Variants in ENPP2 observed in about 807,000 individuals in gnomAD.
The protein encoded by ENPP2 is ectonucleotide pyrophosphatase/phosphodiesterase 2, also known as autotaxin.
ENPP2 carries 51 observed loss-of-function variants against 120.2 expected under a neutral mutation model. That is an observed-to-expected ratio of 0.42 (90% confidence interval 0.34 to 0.54). The LOEUF (loss-of-function observed/expected upper bound fraction) is 0.54. Among genes scored for constraint, ENPP2 ranks in the 20% least tolerant of loss-of-function variants. The pLI is 0.04. For missense variants in ENPP2, 920 were observed against 1,066.5 expected (o/e 0.86, Z 1.91); for synonymous variants, 365 against 366.4 (o/e 1.00, Z 0.04).
In ENPP2 at chr8:119,595,855, G is replaced by T. The variant is rs749602450; in HGVS notation, c.973-1995C>A. ...ACAATAGATAAACTTACTTTGTCCT[G>T]ACGAGTTTCCGCAGCATAATGATCC... On this transcript the variant is annotated intron_variant, in intron 11 of 24. Transcript: ENST00000075322. The T allele has an allele frequency of 6.2e-7, 1 of 1,613,928 alleles. No individual in the cohort carries two copies. The highest frequency in any genetic ancestry group is 1.1e-5 in the South Asian group (1 of 91,050).
At chr8:119,561,021 T>C (rs190651222) in intron 24 of ENPP2, among the ~76,000 whole-genome samples, 1 of 152,356 alleles carries the variant, frequency 6.6e-6, no homozygotes, top group African/African-American at 2.4e-5. Flanking sequence ...CCTGCTATGA[T>C]ATCTACTATA....
intron 2 of ENPP2, among the ~76,000 whole-genome samples, chr8:119,628,753 C>T (rs2130788527): frequency 6.6e-6 from 1 of 152,180 alleles, no homozygotes; most frequent in African/African-American, 2.4e-5. Flanking sequence ...GAAATAAAAA[C>T]AGAGCCAAAA....
intron 15 of ENPP2, among the ~76,000 whole-genome samples, chr8:119,585,024 G>T (rs527589465): frequency 4.0e-4 from 61 of 152,192 alleles, no homozygotes; most frequent in African/African-American, 1.3e-3. Flanking sequence ...ACACTAATTT[G>T]CCCAACTGTC....
chr8:119,592,270 C>T (rs189487814), intron 12 of ENPP2, among the ~76,000 whole-genome samples: 88 of 152,128 alleles, frequency 5.8e-4, no homozygotes, highest in African/African-American at 1.8e-3. Flanking sequence ...GCCAGGACTT[C>T]GAGACCGGCC....
chr8:119,645,756 G>A (rs1413243738), intron 1 of ENPP2, among the ~76,000 whole-genome samples: 1 of 150,260 alleles, frequency 6.7e-6, no homozygotes, highest in Non-Finnish European at 1.5e-5. Context: ...TGGAGGTTGA[G>A]CTGAGCTGAG....
intron 20 of ENPP2, 23 bp downstream of exon 20, chr8:119,570,682 T>A (rs1814889712): frequency 2.1e-6 from 3 of 1,396,688 alleles, no homozygotes; most frequent in East Asian, 2.6e-5. Flanking sequence ...ATAAAAAATA[T>A]AAAATCCAAT....
chr8:119,580,251 C>A, intron 18 of ENPP2, 84 bp from the exon 19 acceptor site: 3 of 1,048,242 alleles, frequency 2.9e-6, no homozygotes, highest in Middle Eastern at 2.0e-4. Context: ...CGACTTAGCA[C>A]CCTGCTAAAT....
chr8:119,597,559 A>G (rs915872339), intron 11 of ENPP2, among the ~76,000 whole-genome samples: 16 of 152,202 alleles, frequency 1.1e-4, no homozygotes, highest in South Asian at 6.2e-4. Flanking sequence ...GAGGTTATTA[A>G]GAGGATGGGA....
chr8:119,655,218 C>G (rs774207823), intron 1 of ENPP2, among the ~76,000 whole-genome samples: 1 of 152,170 alleles, frequency 6.6e-6, no homozygotes, highest in Non-Finnish European at 1.5e-5. Flanking sequence ...GACAGACATA[C>G]GATAAGCTGA....
chr8:119,584,017 C>T lies in ENPP2; in HGVS notation c.1400G>A (p.Gly467Glu), dbSNP rs567059238. Reference protein sequence around the residue: ...KPLDVYKKPSGKCFFQGDHGF... With the variant: ...KPLDVYKKPSEKCFFQGDHGF... ...GTGGTCTCCCTGGAAAAAGCATTTT[C>T]CTGATGGTTTCTTATAAACATCCAA... Residue 467 changes from glycine to glutamate, a missense_variant, in exon 16 of 25, where the codon GGA becomes GAA. Coordinates refer to ENST00000075322, the MANE Select transcript of ENPP2 (RefSeq NM_001040092.3). 6.2e-7 allele frequency: 1 copy of T among 1,613,362 alleles called. No individual in the cohort carries two copies. Among genetic ancestry groups the T allele is most frequent in the South Asian group, 1.1e-5 (1 of 91,060 alleles).
chr8:119,670,603 C>T (rs548269689), intron 1 of ENPP2, among the ~76,000 whole-genome samples: 1 of 152,254 alleles, frequency 6.6e-6, no homozygotes, highest in South Asian at 2.1e-4. Flanking sequence ...ATAAAGGAAG[C>T]TCTGGGGGAA....
intron 23 of ENPP2, among the ~76,000 whole-genome samples, chr8:119,563,723 T>C (rs1814159475): frequency 6.6e-6 from 1 of 152,100 alleles, no homozygotes; most frequent in African/African-American, 2.4e-5. Context: ...AAAATTACGA[T>C]TTAACTACTA....
At chr8:119,649,516 G>A (rs1245035396) in intron 1 of ENPP2, among the ~76,000 whole-genome samples, 1 of 152,064 alleles carries the variant, frequency 6.6e-6, no homozygotes, top group African/African-American at 2.4e-5. Context: ...CTAACCATTA[G>A]AGAGAATCAC....
chr8:119,657,332 G>A (rs574657865), intron 1 of ENPP2, among the ~76,000 whole-genome samples: 1 of 152,166 alleles, frequency 6.6e-6, no homozygotes, highest in African/African-American at 2.4e-5. Context: ...AGTCTGCATC[G>A]TTCAAAGTCC....
chr8:119,638,786 G>A lies in ENPP2; in HGVS notation c.-6C>T. ...AACGAGCTCCTCCTTGCCATGTCGA[G>A]GATTCTTGGAAAGCCTTTTGCAGCG... is the stretch of plus-strand genomic sequence containing the variant. On this transcript the variant is annotated 5_prime_UTR_variant, in exon 1 of 25. Transcript: ENST00000075322. The A allele has an allele frequency of 1.2e-6, 2 of 1,613,198 alleles. No homozygotes were observed. Among genetic ancestry groups the A allele is most frequent in the Non-Finnish European group, 1.7e-6 (2 of 1,179,142 alleles).
chr8:119,614,704 CTTCAGGTAAGTT>C (rs1285167940), intron 8 of ENPP2, among the ~76,000 whole-genome samples: 1 of 152,190 alleles, frequency 6.6e-6, no homozygotes, highest in African/African-American at 2.4e-5. Flanking sequence ...CTTTAAGGTT[CTTCAGGTAAGTT>C]TGCTTCCATA....
intron 19 of ENPP2, among the ~76,000 whole-genome samples, chr8:119,573,810 G>GAA (rs142422469): frequency 6.6e-6 from 1 of 151,676 alleles, no homozygotes; most frequent in Non-Finnish European, 1.5e-5. Context: ...CTCTGTCTCA[G>GAA]AAAAAAAAGA....
At chr8:119,593,658 G>C (rs1813691868) in intron 12 of ENPP2, 94 bp downstream of exon 12, 4 of 782,730 alleles carry the variant, frequency 5.1e-6, no homozygotes, top group Admixed American at 2.0e-5. Context: ...GTTAAGAATG[G>C]AGTCTTGGCT....
chr8:119,606,541 C>T (rs1377401509), intron 9 of ENPP2, among the ~76,000 whole-genome samples: 2 of 151,656 alleles, frequency 1.3e-5, no homozygotes, highest in Non-Finnish European at 1.5e-5. Flanking sequence ...AATCAACATG[C>T]TGTTTATATT....
Sources: gnomAD v4.1 joint callset for allele counts (sites outside exome capture counted in the v4.1 genomes callset) on GRCh38, gnomAD v4.1.1 for gene constraint, MANE v1.5 for transcripts, NCBI Gene and HGNC (gene_info 2026-07-23, HGNC 2026-07-21) for gene names.